The following PER3 variants were observed in gnomAD, a reference collection of about 807,000 sequenced individuals.
PER3 encodes period circadian regulator 3.
In PER3, 107 loss-of-function variants were observed where a neutral mutation model predicts 127.2. That is an observed-to-expected ratio of 0.84 (90% CI 0.72 to 0.99). The LOEUF is 0.99. PER3 is among the 50% of genes least tolerant of loss of function. The pLI is 0.00. For missense variants in PER3, 1,560 were observed against 1,525.8 expected, an observed-to-expected ratio of 1.02 and a Z score of -0.37; for synonymous variants, 618 against 585.8, an observed-to-expected ratio of 1.05 and a Z score of -0.79.
In PER3 at chr1:7,786,784, A is replaced by G. The variant is rs138953111; in HGVS notation, c.338A>G (p.Tyr113Cys). The G allele has an allele frequency of 8.7e-6, 14 of 1,612,478 alleles. No homozygotes were observed. The highest frequency in any genetic ancestry group is 1.6e-4 in the Middle Eastern group (1 of 6,080). The stretch of plus-strand genomic sequence containing the variant: ...GCACCTCAGGCAGATGTGAGCATGT[A>G]CAGTCTTGAGGAGCTGGCCACTATC... ...NGAPQADVSM[Y>C]SLEELATIAS... is the part of the protein sequence containing the mutation. The change falls in exon 4 of 22, where the codon TAC becomes TGC. Residue 113 changes from tyrosine (Y) to cysteine (C), a missense_variant. Transcript: ENST00000377532.
intron 7 of PER3, among the ~76,000 whole-genome samples, chr1:7,799,997 C>T (rs1264909897): frequency 6.6e-6 from 1 of 151,894 alleles, no homozygotes; most frequent in Non-Finnish European, 1.5e-5. Flanking sequence ...AGGCTGTTCT[C>T]GAACTCCTGG....
intron 6 of PER3, among the ~76,000 whole-genome samples, chr1:7,798,178 A>G (rs2097154325): frequency 6.6e-6 from 1 of 152,234 alleles, no homozygotes; most frequent in African/African-American, 2.4e-5. Flanking sequence ...CACCTGTTGT[A>G]GATATGTGAA....
Position 7,785,578 on chromosome 1 carries a change from G to A in PER3, c.266G>A (p.Ser89Asn), listed in dbSNP as rs766175808. Reference sequence around the variant, plus strand: ...AACTATGCTCTCCGCTGTGTCCACAGCGTTCAAGGTAAACAAGCCGGAGAG... The same window carrying A: ...AACTATGCTCTCCGCTGTGTCCACAACGTTCAAGGTAAACAAGCCGGAGAG... ...ALNYALRCVH[S>N]VQANSEFFQI... Residue 89 changes from serine to asparagine, a missense_variant, in exon 3 of 22, where the codon AGC becomes AAC. By Grantham distance (46) the Ser-to-Asn change is conservative (BLOSUM62 1). Coordinates refer to ENST00000377532, the MANE Select transcript of PER3 (RefSeq NM_001377275.1). 33 of 1,612,482 alleles carry A rather than the reference G, an allele frequency of 2.0e-5. No individual in the cohort carries two copies. Among genetic ancestry groups the A allele is most frequent in the Non-Finnish European group, 3.4e-6 (4 of 1,179,410 alleles).
chr1:7,793,752 G>A (rs184290662), intron 5 of PER3, among the ~76,000 whole-genome samples: 291 of 152,096 alleles, frequency 1.9e-3, no homozygotes, highest in Admixed American at 3.1e-3. Context: ...TGAGGTTCAC[G>A]GTTCCAGTAC....
At chr1:7,787,190 A>G in intron 4 of PER3, 8 of 649,566 alleles carry the variant, frequency 1.2e-5, no homozygotes, top group Non-Finnish European at 1.6e-5. Flanking sequence ...TATTTATATC[A>G]TTCTTAGTTC....
intron 13 of PER3, among the ~76,000 whole-genome samples, chr1:7,816,982 GAGAAAT>G (rs1470434531): frequency 3.3e-5 from 5 of 152,206 alleles, no homozygotes; most frequent in Non-Finnish European, 4.4e-5. Context: ...TAACGGTGAA[GAGAAAT>G]GAACTTGATT....
Position 7,844,334 on chromosome 1 carries a change from TCTG to T in PER3, c.*1582_*1584del, listed in dbSNP as rs2097402870. 6.5e-6 allele frequency: 1 copy of T among 154,528 alleles called. No individual in the cohort carries two copies. Among genetic ancestry groups the T allele is most frequent in the African/African-American group, 2.4e-5 (1 of 41,474 alleles). 9.6% of individuals were successfully genotyped at this position (154,528 alleles called of 1,614,324 possible). On this transcript the variant is annotated 3_prime_UTR_variant, in exon 22 of 22. Coordinates refer to ENST00000377532, the MANE Select transcript of PER3 (RefSeq NM_001377275.1). ...CGTGTTTTATAAATAGCTCTCATAG[TCTG>T]CTCCATCTTGATAGTTAAGTGATTT...
intron 7 of PER3, among the ~76,000 whole-genome samples, chr1:7,800,409 T>C (rs1040453261): frequency 6.6e-6 from 1 of 151,580 alleles, no homozygotes; most frequent in African/African-American, 2.4e-5. Flanking sequence ...GGTTTTATCA[T>C]GTTGGCCAAG....
rs1459523002 is a variant in PER3, at chr1:7,810,170, A to AG, written c.1371+150dup. ...TCATCCATTTTGGTTTGGAAAAAAA[A>AG]GTCTGTAAAAAGAAAATATCACCTT... On this transcript the variant is annotated intron_variant, in intron 12 of 21. Transcript: ENST00000377532. 37 of 853,128 alleles carry AG rather than the reference A, an allele frequency of 4.3e-5. No individual in the cohort carries two copies. In the South Asian group the frequency reaches 6.7e-4, roughly 15 times the overall value. The allele number at this position is 853,128 out of a possible 1,614,324, so 52.8% of individuals were successfully genotyped here. A position where few individuals can be genotyped will look rare whatever the true frequency, so the allele number is the denominator to read the frequency against.
chr1:7,810,814 C>G (rs2097216218), intron 13 of PER3: 1 of 355,608 alleles, frequency 2.8e-6, no homozygotes, highest in African/African-American at 2.1e-5. Context: ...GTAACAGTTG[C>G]AGTTCACTTT....
intron 2 of PER3, 92 bp downstream of exon 2, chr1:7,785,097 T>C (rs2097080043): frequency 1.4e-6 from 2 of 1,393,128 alleles, no homozygotes; most frequent in Non-Finnish European, 1.9e-6. Context: ...TATTCTTTTG[T>C]TTTCAAGCCC....
At chr1:7,820,276 C>T (rs777508307) in intron 15 of PER3, 37 bp downstream of exon 15, 1 of 1,591,802 alleles carries the variant, frequency 6.3e-7, no homozygotes, top group African/African-American at 1.4e-5. Flanking sequence ...ATTCAAAGAA[C>T]TGTAAATACA....
At chr1:7,803,226 A>C in intron 9 of PER3, 73 bp downstream of exon 9, 2 of 914,032 alleles carry the variant, frequency 2.2e-6, no homozygotes, top group Non-Finnish European at 3.7e-6. Context: ...TTTTCATCTC[A>C]TTAGAGCGCA....
At chr1:7,807,225 A>G (rs1161427822) in intron 10 of PER3, among the ~76,000 whole-genome samples, 2 of 152,152 alleles carry the variant, frequency 1.3e-5, no homozygotes, top group African/African-American at 2.4e-5. Context: ...AAATAAGGTT[A>G]TATATTCAGG....
chr1:7,826,497 T>A lies in PER3; in HGVS notation c.1975T>A (p.Phe659Ile), dbSNP rs1158241307. 2.5e-6 allele frequency: 4 copies of A among 1,610,866 alleles called. No homozygotes were observed. The highest frequency in any genetic ancestry group is 3.4e-6 in the Non-Finnish European group (4 of 1,177,124). ...PPETARDATL[F>I]CEPWTLNMQP... is the part of the protein sequence containing the mutation. ...CACCTCAGCCAGGGATGCTACCCTC[T>A]TCTGTGAGCCCTGGACCCTGAACAT... Residue 659 changes from phenylalanine to isoleucine, a missense_variant, in exon 17 of 22, where the codon TTC becomes ATC. By Grantham distance (21) the Phe-to-Ile change is conservative (BLOSUM62 0). Around this residue, in one of 3 missense-constraint regions of PER3, gnomAD observed 1,332 missense variants for 1,223.6 expected, o/e 1.09. Transcript: ENST00000377532. The surrounding 1 kb of genome is among the most constrained non-coding windows in gnomAD (Gnocchi z 4.2).
chr1:7,791,342 C>T (rs1417008429), intron 5 of PER3, among the ~76,000 whole-genome samples: 1 of 152,240 alleles, frequency 6.6e-6, no homozygotes, highest in Admixed American at 6.5e-5. Context: ...GGGCTTGCAC[C>T]CTCTGAAGCT....
intron 13 of PER3, among the ~76,000 whole-genome samples, chr1:7,817,498 T>C (rs575552190): frequency 6.6e-6 from 1 of 152,334 alleles, no homozygotes; most frequent in South Asian, 2.1e-4. Flanking sequence ...GGTGTATTCG[T>C]TTCCCACCAG....
chr1:7,840,908 A>G lies in PER3; in HGVS notation c.3550-1764A>G, dbSNP rs537971987. Among the ~76,000 whole-genome samples, 14 of 152,182 alleles carry G rather than the reference A, an allele frequency of 9.2e-5. No individual in the cohort carries two copies. In the South Asian group the frequency reaches 2.5e-3, roughly 27 times the overall value. On this transcript the variant is annotated intron_variant, in intron 21 of 21. Coordinates refer to ENST00000377532, the MANE Select transcript of PER3 (RefSeq NM_001377275.1). ...CAGGCGTGAGCCACTGTGCCCTACC[A>G]GTTCTTTGATCATCTTTCAGTTGTT...
rs2097324962 is a variant in PER3, at chr1:7,830,251, T to G, written c.3214+90T>G. 4 of 1,173,454 alleles carry G rather than the reference T, an allele frequency of 3.4e-6. No homozygotes were observed. The East Asian group carries it at 7.1e-5, about 21-fold the overall frequency. The allele number at this position is 1,173,454 out of a possible 1,614,324, so 72.7% of individuals were successfully genotyped here. Reference sequence around the variant, plus strand: ...TCACTGTGTGCCCCAGGCACTGATGTGGAAGTACAAGGTTTTTTTTTCTTT... The same window carrying G: ...TCACTGTGTGCCCCAGGCACTGATGGGGAAGTACAAGGTTTTTTTTTCTTT... On this transcript the variant is annotated intron_variant, in intron 19 of 21. Transcript: ENST00000377532.
Sources: allele counts gnomAD v4.1 joint callset (sites outside exome capture counted in the v4.1 genomes callset), GRCh38; gene constraint gnomAD v4.1.1; regional missense constraint gnomAD v4.1.1; non-coding constraint Gnocchi (gnomAD v3.1); transcripts MANE v1.5; gene names NCBI Gene and HGNC (gene_info 2026-07-23, HGNC 2026-07-21).